Variants in PLPP7 observed in about 807,000 individuals in gnomAD.
The protein encoded by PLPP7 is inactive phospholipid phosphatase 7.
A neutral mutation model predicts 16.9 loss-of-function variants in PLPP7; 11 were observed. The observed-to-expected ratio is 0.65, with a 90% CI of 0.41 to 1.08. The LOEUF (loss-of-function observed/expected upper bound fraction) is 1.08. Ranked by LOEUF, PLPP7 falls within the 50% of genes least tolerant of loss-of-function variation. The pLI is 0.00. For synonymous variants in PLPP7, 174 were observed against 175.1 expected, an observed-to-expected ratio of 0.99 and a Z score of 0.05; for missense variants, 358 against 397.1, an observed-to-expected ratio of 0.90 and a Z score of 0.84.
In PLPP7 at chr9:131,308,495, C is replaced by T. The variant is rs1037867782; in HGVS notation, c.*208C>T. The T allele has an allele frequency of 4.8e-6, 4 of 833,968 alleles. No individual in the cohort carries two copies. The highest frequency in any genetic ancestry group is 7.2e-6 in the Non-Finnish European group (4 of 554,552). 51.7% of individuals were successfully genotyped at this position (833,968 alleles called of 1,614,324 possible). ...GTGTTTGGCAGTGCCAGGCCTCTTG[C>T]CCCTTTGCTTGGACTCCAAGTCTCC... On this transcript the variant is annotated 3_prime_UTR_variant, in exon 2 of 2. Coordinates refer to ENST00000372264, the MANE Select transcript of PLPP7 (RefSeq NM_032728.4).
At chr9:131,293,542 C>T (rs1341319587) in intron 1 of PLPP7, among the ~76,000 whole-genome samples, 1 of 152,174 alleles carries the variant, frequency 6.6e-6, no homozygotes, top group Non-Finnish European at 1.5e-5. Context: ...AGGAAGGTCC[C>T]ACAGTCCCCT....
chr9:131,302,732 G>C (rs1329031713), intron 1 of PLPP7, among the ~76,000 whole-genome samples: 2 of 152,204 alleles, frequency 1.3e-5, no homozygotes, highest in Non-Finnish European at 2.9e-5. Flanking sequence ...CAGGGTGCAA[G>C]GCTCTCAGCC....
At chr9:131,298,563 T>A (rs972607859) in intron 1 of PLPP7, among the ~76,000 whole-genome samples, 6 of 151,878 alleles carry the variant, frequency 4.0e-5, no homozygotes, top group Non-Finnish European at 7.4e-5. Flanking sequence ...ACAGAGTGCG[T>A]CCTCAGGGGG....
At position 131,308,396 on chromosome 9, in the gene PLPP7, G is replaced by A. The variant is rs989256781; in HGVS notation, c.*109G>A. 1 of 1,430,372 alleles carries A rather than the reference G, an allele frequency of 7.0e-7. No homozygotes were observed. The highest frequency in any genetic ancestry group is 2.7e-5 in the Admixed American group (1 of 37,428). 88.6% of individuals were successfully genotyped at this position (1,430,372 alleles called of 1,614,324 possible). A position where few individuals can be genotyped will look rare whatever the true frequency, so the allele number is the denominator to read the frequency against. The stretch of plus-strand genomic sequence containing the variant: ...TGGAACAGAGCGGCCAGGAGTCAGA[G>A]CGGCCACCCCCACCTCATCTTCCCC... On this transcript the variant is annotated 3_prime_UTR_variant, in exon 2 of 2. Coordinates refer to ENST00000372264, the MANE Select transcript of PLPP7 (RefSeq NM_032728.4).
At chr9:131,301,587 A>G (rs1292684000) in intron 1 of PLPP7, among the ~76,000 whole-genome samples, 2 of 152,194 alleles carry the variant, frequency 1.3e-5, no homozygotes, top group African/African-American at 4.8e-5. Context: ...GTGGGACCTT[A>G]GGAAAAAAAG....
intron 1 of PLPP7, among the ~76,000 whole-genome samples, chr9:131,298,865 C>G (rs75061854): frequency 8.5e-4 from 130 of 152,186 alleles, no homozygotes; most frequent in Non-Finnish European, 1.5e-3. Flanking sequence ...CTCTGAGGGC[C>G]GGGAAGCCTC....
intron 1 of PLPP7, among the ~76,000 whole-genome samples, chr9:131,299,068 C>T (rs531088415): frequency 6.6e-6 from 1 of 152,312 alleles, no homozygotes; most frequent in African/African-American, 2.4e-5. Flanking sequence ...ACACAAGCAT[C>T]AGAGCAGGCC....
chr9:131,291,316 T>A (rs1353779709), intron 1 of PLPP7: 1 of 1,208,886 alleles, frequency 8.3e-7, no homozygotes, highest in East Asian at 5.8e-5. Flanking sequence ...TTGAGGGACA[T>A]GTGAGGTGGA....
chr9:131,303,414 ATTACAGGTGAT>A (rs1186428576), intron 1 of PLPP7, among the ~76,000 whole-genome samples: 4 of 149,816 alleles, frequency 2.7e-5, no homozygotes, highest in Non-Finnish European at 5.9e-5. Flanking sequence ...GAGGGGCAGG[ATTACAGGTGAT>A]TTAAACTCTA....
intron 1 of PLPP7, among the ~76,000 whole-genome samples, chr9:131,296,072 C>T (rs750163238): frequency 1.3e-5 from 2 of 152,284 alleles, no homozygotes; most frequent in Admixed American, 6.5e-5. Flanking sequence ...GTTTGAGGAC[C>T]TGTCCTACTG....
intron 1 of PLPP7, 65 bp from the exon 2 acceptor site, chr9:131,307,858 G>C: frequency 6.8e-7 from 1 of 1,462,388 alleles, no homozygotes; most frequent in Non-Finnish European, 9.0e-7. Context: ...GGAAATGTGG[G>C]GGGCCAGGGC....
At chr9:131,293,543 A>T (rs1835705008) in intron 1 of PLPP7, among the ~76,000 whole-genome samples, 1 of 152,188 alleles carries the variant, frequency 6.6e-6, no homozygotes, top group African/African-American at 2.4e-5. Flanking sequence ...GGAAGGTCCC[A>T]CAGTCCCCTG....
At position 131,308,580 on chromosome 9, in the gene PLPP7, C is replaced by G. The variant is rs549655166; in HGVS notation, c.*293C>G. 2.1e-5 allele frequency: 9 copies of G among 425,216 alleles called. No homozygotes were observed. The highest frequency in any genetic ancestry group is 3.4e-5 in the Non-Finnish European group (8 of 233,460). 26.3% of individuals were successfully genotyped at this position (425,216 alleles called of 1,614,324 possible). A position where few individuals can be genotyped will look rare whatever the true frequency, so the allele number is the denominator to read the frequency against. The stretch of plus-strand genomic sequence containing the variant: ...CCCTATTTAGCTTCTGCTCTGGGAA[C>G]AGCAAAAATCAGGATGGTGGGAGGG... On this transcript the variant is annotated 3_prime_UTR_variant, in exon 2 of 2. Transcript: ENST00000372264.
intron 1 of PLPP7, among the ~76,000 whole-genome samples, chr9:131,301,718 C>G (rs1461821238): frequency 6.6e-6 from 1 of 152,198 alleles, no homozygotes; most frequent in African/African-American, 2.4e-5. Context: ...CTGTCAGCCA[C>G]CACACTCCTC....
intron 1 of PLPP7, among the ~76,000 whole-genome samples, chr9:131,293,883 G>A (rs1476712206): frequency 2.0e-5 from 3 of 152,120 alleles, no homozygotes; most frequent in South Asian, 2.1e-4. Flanking sequence ...CTGCCCACCC[G>A]CTCTGGCCCC....
At chr9:131,291,557 C>CTTT (rs940950338) in intron 1 of PLPP7, 70 of 161,760 alleles carry the variant, frequency 4.3e-4, no homozygotes, top group African/African-American at 1.4e-3. Flanking sequence ...TTTCTTGTTC[C>CTTT]TTTTTTTTTT....
At chr9:131,297,440 C>A (rs1835746533) in intron 1 of PLPP7, among the ~76,000 whole-genome samples, 1 of 149,198 alleles carries the variant, frequency 6.7e-6, no homozygotes, top group Non-Finnish European at 1.5e-5. Context: ...GGCTGGAGGG[C>A]AGTGGCGCGA....
chr9:131,292,674 C>G (rs1188698921), intron 1 of PLPP7: 2 of 382,242 alleles, frequency 5.2e-6, no homozygotes, highest in Admixed American at 6.4e-5. Flanking sequence ...TCTCAACTTA[C>G]CCACAGTCAG....
At chr9:131,300,689 G>GAAAAAAAAAAAAAAAAAAAAA (rs1165239833) in intron 1 of PLPP7, among the ~76,000 whole-genome samples, 1 of 40,356 alleles carries the variant, frequency 2.5e-5, no homozygotes, top group Non-Finnish European at 5.0e-5. Context: ...CTCAAAAGCA[G>GAAAAAAAAAAAAAAAAAAAAA]AAAAAAAAAA....
Sources: gnomAD v4.1 joint callset for allele counts (sites outside exome capture counted in the v4.1 genomes callset) on GRCh38, gnomAD v4.1.1 for gene constraint, MANE v1.5 for transcripts, NCBI Gene and HGNC (gene_info 2026-07-23, HGNC 2026-07-21) for gene names.